Variants in KIRREL3 observed in about 807,000 individuals in gnomAD.
KIRREL3 encodes kirre like nephrin family adhesion molecule 3.
A neutral mutation model predicts 89.7 loss-of-function variants in KIRREL3; 36 were observed. That is an observed-to-expected ratio of 0.40 (90% CI 0.31 to 0.53). KIRREL3 has a LOEUF of 0.53. KIRREL3 is among the 20% of genes least tolerant of loss of function. The pLI is 0.49. For missense variants in KIRREL3, 864 were observed against 1,056.6 expected (o/e 0.82, Z 2.53); for synonymous variants, 445 against 441.4 (o/e 1.01, Z -0.10).
rs568932325 is a variant in KIRREL3, at chr11:126,454,561, A to G, written c.848+1788T>C. On this transcript the variant is annotated intron_variant, in intron 7 of 16. Transcript: ENST00000525144. The surrounding 1 kb of genome is among the most constrained non-coding windows in gnomAD (Gnocchi z 5.8). ...TCTGGGCATGTTGTACCTGGTGTTTAGGGACCAGGAGCAGAGACCTGGGAG... is the reference window on the plus strand; with the variant it reads ...TCTGGGCATGTTGTACCTGGTGTTTGGGGACCAGGAGCAGAGACCTGGGAG... Among the ~76,000 whole-genome samples, 92 of 152,256 alleles carry G rather than the reference A, an allele frequency of 6.0e-4. 1 individual carries two copies. The highest frequency in any genetic ancestry group is 2.3e-3 in the South Asian group (11 of 4,826).
intron 1 of KIRREL3, among the ~76,000 whole-genome samples, chr11:126,921,973 A>G (rs1045096033): frequency 1.9e-4 from 27 of 143,762 alleles, no homozygotes; most frequent in African/African-American, 7.0e-4. Flanking sequence ...ATATCTATCT[A>G]TCTATCTATC....
In KIRREL3 at chr11:126,892,068, C is replaced by T; in HGVS notation, c.55+108387G>A. ...GGGTGCCTGAATTCTGATCCTGGCT[C>T]TATCAGTGTCTCTGTGCACCAGAGA... On this transcript the variant is annotated intron_variant, in intron 1 of 16. Transcript: ENST00000525144. This position sits in a 1 kb window ranked among gnomAD's most constrained non-coding sequence, Gnocchi z 5.4. Among the ~76,000 whole-genome samples the T allele has an allele frequency of 6.6e-6, 1 of 152,172 alleles. No homozygotes were observed. Among genetic ancestry groups the T allele is most frequent in the Non-Finnish European group, 1.5e-5 (1 of 68,024 alleles).
At chr11:126,913,880 A>G (rs1946930113) in intron 1 of KIRREL3, among the ~76,000 whole-genome samples, 1 of 152,222 alleles carries the variant, frequency 6.6e-6, no homozygotes, top group African/African-American at 2.4e-5. Flanking sequence ...ACACCTCATC[A>G]GTGTGCTTCA....
chr11:126,488,770 C>T (rs1292221910), intron 4 of KIRREL3, among the ~76,000 whole-genome samples: 1 of 152,234 alleles, frequency 6.6e-6, no homozygotes, highest in Non-Finnish European at 1.5e-5. Context: ...CCTGCTCCTA[C>T]CTGTTCCCCA....
intron 1 of KIRREL3, among the ~76,000 whole-genome samples, chr11:126,929,951 C>T (rs77313151): frequency 3.5e-5 from 1 of 28,620 alleles, no homozygotes; most frequent in Non-Finnish European, 6.6e-5. Flanking sequence ...GGGAGCCACC[C>T]CCCCCCCCCC....
In KIRREL3 at chr11:126,579,260, C is replaced by T. The variant is rs1256184334; in HGVS notation, c.56-16348G>A. On this transcript the variant is annotated intron_variant, in intron 1 of 16. Coordinates refer to ENST00000525144, the MANE Select transcript of KIRREL3 (RefSeq NM_032531.4). The surrounding 1 kb of genome is among the most constrained non-coding windows in gnomAD (Gnocchi z 5.3). ...TTATCATGTGGGAGGGTAGTTAGTT[C>T]CCAAACGCAGGTGAGTATAAAATCC... 6.6e-6 allele frequency among the ~76,000 whole-genome samples: 1 copy of T among 152,050 alleles called. No homozygotes were observed. The highest frequency in any genetic ancestry group is 2.4e-5 in the African/African-American group (1 of 41,408).
rs1480947061 is a variant in KIRREL3 at position 126,601,008 on chromosome 11, C to T, written c.56-38096G>A. On this transcript the variant is annotated intron_variant, in intron 1 of 16. Coordinates refer to ENST00000525144, the MANE Select transcript of KIRREL3 (RefSeq NM_032531.4). This position sits in a 1 kb window ranked among gnomAD's most constrained non-coding sequence, Gnocchi z 5.8. The stretch of plus-strand genomic sequence containing the variant: ...CCCAGGAAGGTCAGCATCCAGTGAC[C>T]TTTTCAGGAAATTACCCAGGATTTC... Among the ~76,000 whole-genome samples the T allele has an allele frequency of 6.6e-6, 1 of 152,176 alleles. No individual in the cohort carries two copies. Among genetic ancestry groups the T allele is most frequent in the Non-Finnish European group, 1.5e-5 (1 of 68,040 alleles).
Position 126,596,277 on chromosome 11 carries a change from A to T in KIRREL3, c.56-33365T>A, listed in dbSNP as rs140959680. On this transcript the variant is annotated intron_variant, in intron 1 of 16. Coordinates refer to ENST00000525144, the MANE Select transcript of KIRREL3 (RefSeq NM_032531.4). ...CCTTAGATCTAACACAGCACCTGGC[A>T]TATGGTAGATGTTGAGTACATTGTC... 4.4e-5 allele frequency among the ~76,000 whole-genome samples: 6 copies of T among 135,438 alleles called. No homozygotes were observed. In the East Asian group the frequency reaches 1.3e-3, roughly 28 times the overall value. The allele number at this position is 135,438 out of a possible 152,430, so 88.9% of individuals were successfully genotyped here.
Position 126,563,907 on chromosome 11 carries a change from C to T in KIRREL3, c.56-995G>A, listed in dbSNP as rs914030783. On this transcript the variant is annotated intron_variant, in intron 1 of 16. Transcript: ENST00000525144. The surrounding 1 kb of genome is among the most constrained non-coding windows in gnomAD (Gnocchi z 6.8). ...CAACTCACTGAGGTGGGCATATGGG[C>T]CACTGCAACTGACATTATGCAGATG... Among the ~76,000 whole-genome samples the T allele has an allele frequency of 2.0e-5, 3 of 152,176 alleles. No homozygotes were observed. The highest frequency in any genetic ancestry group is 2.1e-4 in the South Asian group (1 of 4,832).
In KIRREL3 at chr11:126,623,326, A is replaced by AGGC. The variant is rs1943648371; in HGVS notation, c.56-60417_56-60415dup. On this transcript the variant is annotated intron_variant, in intron 1 of 16. Transcript: ENST00000525144. The surrounding 1 kb of genome is among the most constrained non-coding windows in gnomAD (Gnocchi z 4.1). Reference sequence around the variant, plus strand: ...GGCCTGTCCTTGGTGGTGTATGAGCAGGCCCCTGGGATCGACACATGGATG... The same window carrying AGGC: ...GGCCTGTCCTTGGTGGTGTATGAGCAGGCGGCCCCTGGGATCGACACATGGATG... Among the ~76,000 whole-genome samples, 1 of 152,166 alleles carries AGGC rather than the reference A, an allele frequency of 6.6e-6. No homozygotes were observed. The highest frequency in any genetic ancestry group is 2.4e-5 in the African/African-American group (1 of 41,430).
intron 16 of KIRREL3, 51 bp downstream of exon 16, chr11:126,425,587 G>T: frequency 1.4e-6 from 2 of 1,445,884 alleles, no homozygotes; most frequent in Non-Finnish European, 9.5e-7. Context: ...GGCCATCAGA[G>T]CTAAAGACCA....
chr11:126,785,166 G>C (rs1950449578), intron 1 of KIRREL3, among the ~76,000 whole-genome samples: 1 of 152,204 alleles, frequency 6.6e-6, no homozygotes, highest in Admixed American at 6.5e-5. Flanking sequence ...GAGAGTGATG[G>C]AAAGGAGAGG....
chr11:126,438,059 C>T (rs1955425132), intron 11 of KIRREL3, among the ~76,000 whole-genome samples: 1 of 152,258 alleles, frequency 6.6e-6, no homozygotes, highest in Non-Finnish European at 1.5e-5. Context: ...GTCTTTCCAT[C>T]CCAGAAAGGG....
In KIRREL3 at chr11:127,000,334, C is replaced by A; in HGVS notation, c.55+121G>T. 1 of 726,986 alleles carries A rather than the reference C, an allele frequency of 1.4e-6. No individual in the cohort carries two copies. The highest frequency in any genetic ancestry group is 2.3e-6 in the Non-Finnish European group (1 of 441,268). 45.0% of individuals were successfully genotyped at this position (726,986 alleles called of 1,614,324 possible). A position where few individuals can be genotyped will look rare whatever the true frequency, so the allele number is the denominator to read the frequency against. On this transcript the variant is annotated intron_variant, in intron 1 of 16. Coordinates refer to ENST00000525144, the MANE Select transcript of KIRREL3 (RefSeq NM_032531.4). The surrounding 1 kb of genome is among the most constrained non-coding windows in gnomAD (Gnocchi z 7.1). Reference sequence around the variant, plus strand: ...GCAATGCCAGAGCATCTCAGCCCGGCACCGAGAGACGCATCCATCAGTCCG... The same window carrying A: ...GCAATGCCAGAGCATCTCAGCCCGGAACCGAGAGACGCATCCATCAGTCCG...
At chr11:126,434,275 AG>A (rs1330941302) in intron 13 of KIRREL3, among the ~76,000 whole-genome samples, 1 of 152,138 alleles carries the variant, frequency 6.6e-6, no homozygotes, top group Non-Finnish European at 1.5e-5. Flanking sequence ...GGAGCCACCG[AG>A]GGGGGAAGGT....
chr11:126,698,626 C>G (rs1478805405), intron 1 of KIRREL3, among the ~76,000 whole-genome samples: 3 of 152,232 alleles, frequency 2.0e-5, no homozygotes, highest in Admixed American at 6.5e-5. Context: ...CAGGGTTCTG[C>G]TGCGTGAGGA....
Position 126,557,283 on chromosome 11 carries a change from A to G in KIRREL3, c.133+5552T>C, listed in dbSNP as rs527469509. The stretch of plus-strand genomic sequence containing the variant: ...TTCACCCTTAATGACAGATGGGAGA[A>G]AGAAACACGGATCCACCTTCAGAGG... On this transcript the variant is annotated intron_variant, in intron 2 of 16. Transcript: ENST00000525144. This position sits in a 1 kb window ranked among gnomAD's most constrained non-coding sequence, Gnocchi z 5.6. 7.2e-5 allele frequency among the ~76,000 whole-genome samples: 11 copies of G among 152,338 alleles called. No homozygotes were observed. The highest frequency in any genetic ancestry group is 2.0e-4 in the Admixed American group (3 of 15,308).
At position 126,739,774 on chromosome 11, in the gene KIRREL3, CA is replaced by C. The variant is rs1948918632; in HGVS notation, c.56-176863del. Among the ~76,000 whole-genome samples, 1 of 152,166 alleles carries C rather than the reference CA, an allele frequency of 6.6e-6. No homozygotes were observed. The highest frequency in any genetic ancestry group is 2.4e-5 in the African/African-American group (1 of 41,424). ...ACCGTAGCCAACACTGCAAATCAGG[CA>C]GCATGTATCAGAGTTTAAAAACCTC... On this transcript the variant is annotated intron_variant, in intron 1 of 16. Transcript: ENST00000525144. The surrounding 1 kb of genome is among the most constrained non-coding windows in gnomAD (Gnocchi z 5.5).
At chr11:126,473,784 T>C (rs1478752146) in intron 4 of KIRREL3, among the ~76,000 whole-genome samples, 1 of 152,084 alleles carries the variant, frequency 6.6e-6, no homozygotes, top group African/African-American at 2.4e-5. Flanking sequence ...GCGATGTCTG[T>C]GGCTGCTTTT....
Sources: allele counts gnomAD v4.1 joint callset (sites outside exome capture counted in the v4.1 genomes callset), GRCh38; gene constraint gnomAD v4.1.1; non-coding constraint Gnocchi (gnomAD v3.1); transcripts MANE v1.5; gene names NCBI Gene and HGNC (gene_info 2026-07-23, HGNC 2026-07-21).